The following SYNJ2 variants were observed in gnomAD, a reference collection of about 807,000 sequenced individuals.
SYNJ2 encodes synaptojanin 2.
In SYNJ2, 116 loss-of-function variants were observed where a neutral mutation model predicts 141.3. The ratio of observed to expected loss-of-function variants is 0.82; its 90% CI spans 0.71 to 0.96. The LOEUF (loss-of-function observed/expected upper bound fraction) is 0.96, where lower values mean the gene tolerates loss of function less well. Among genes scored for constraint, SYNJ2 ranks in the 40% least tolerant of loss-of-function variants. The pLI is 0.00. For missense variants in SYNJ2, 1,873 were observed against 1,934.8 expected, an observed-to-expected ratio of 0.97 and a Z score of 0.60; for synonymous variants, 745 against 777.7, an observed-to-expected ratio of 0.96 and a Z score of 0.70.
chr6:158,015,028 A>G (rs1778398387), intron 1 of SYNJ2, among the ~76,000 whole-genome samples: 1 of 152,192 alleles, frequency 6.6e-6, no homozygotes, highest in Non-Finnish European at 1.5e-5. Flanking sequence ...GGCATGGTGG[A>G]TCTTTTGAGT....
At position 158,029,007 on chromosome 6, in the gene SYNJ2, T is replaced by C; in HGVS notation, c.466T>C (p.Trp156Arg). ...TQKQGDDSSE[W>R]GNSFFWNQLL... ...GAAGCAGGGGGATGACAGCTCTGAA[T>C]GGGGGAACTCCTTCTTCTGGTGAGG... The change falls in exon 3 of 27, where the codon TGG becomes CGG. Residue 156 changes from tryptophan (W) to arginine (R), a missense_variant. Trp to Arg is a moderately radical substitution (Grantham distance 101). Coordinates refer to ENST00000355585, the MANE Select transcript of SYNJ2 (RefSeq NM_003898.4). 1 of 1,502,130 alleles carries C rather than the reference T, an allele frequency of 6.7e-7. No homozygotes were observed. The highest frequency in any genetic ancestry group is 8.9e-7 in the Non-Finnish European group (1 of 1,128,070). 93.1% of individuals were successfully genotyped at this position (1,502,130 alleles called of 1,614,324 possible).
At position 158,063,276 on chromosome 6, in the gene SYNJ2, G is replaced by A. The variant is rs145154684; in HGVS notation, c.1128-515G>A. Among the ~76,000 whole-genome samples the A allele has an allele frequency of 1.8e-4, 28 of 152,292 alleles. No individual in the cohort carries two copies. In the East Asian group the frequency reaches 4.8e-3, roughly 26 times the overall value. The stretch of plus-strand genomic sequence containing the variant: ...GACCCAGCTGTGCAGGCTACTGAGT[G>A]TGTGTCCTGGGGTCTGCCTGCCTTT... On this transcript the variant is annotated intron_variant, in intron 8 of 26. Coordinates refer to ENST00000355585, the MANE Select transcript of SYNJ2 (RefSeq NM_003898.4).
At chr6:158,038,958 A>G (rs756971493) in intron 4 of SYNJ2, among the ~76,000 whole-genome samples, 13 of 152,222 alleles carry the variant, frequency 8.5e-5, no homozygotes, top group Admixed American at 2.6e-4. Context: ...TCCTGCACAC[A>G]TGGGACCAGG....
At chr6:158,020,794 C>T (rs984265129) in intron 2 of SYNJ2, among the ~76,000 whole-genome samples, 3 of 152,226 alleles carry the variant, frequency 2.0e-5, no homozygotes, top group Admixed American at 6.5e-5. Flanking sequence ...AGCATCTCTG[C>T]GCAAAGAAAG....
Position 158,017,131 on chromosome 6 carries a change from A to G in SYNJ2, c.128-73A>G, listed in dbSNP as rs1420909826. On this transcript the variant is annotated intron_variant, in intron 1 of 26. Coordinates refer to ENST00000355585, the MANE Select transcript of SYNJ2 (RefSeq NM_003898.4). ...GGAGTGGGTGGGAAGCCAGCTTGGC[A>G]AGCCGGGTGTGAATGAACAGGAATG... The G allele has an allele frequency of 3.2e-6, 5 of 1,544,838 alleles. No homozygotes were observed. In the East Asian group the frequency reaches 1.2e-4, roughly 36 times the overall value.
chr6:158,089,811 C>A, intron 24 of SYNJ2, 28 bp from the exon 25 acceptor site: 1 of 1,575,568 alleles, frequency 6.3e-7, no homozygotes, highest in Non-Finnish European at 8.7e-7. Flanking sequence ...TCTGCTGATA[C>A]TCTGCTCTTC....
Position 158,043,307 on chromosome 6 carries a change from G to A in SYNJ2, c.712-9G>A, listed in dbSNP as rs1163221902. On this transcript the variant is annotated splice_polypyrimidine_tract_variant and intron_variant, in intron 4 of 26. Coordinates refer to ENST00000355585, the MANE Select transcript of SYNJ2 (RefSeq NM_003898.4). The surrounding 1 kb of genome is among the most constrained non-coding windows in gnomAD (Gnocchi z 4.0). ...AATACCTTTCCCTTTCTGTTTCCTT[G>A]TGCCGCAGATGATTTACATGGACGA... 1 of 1,613,292 alleles carries A rather than the reference G, an allele frequency of 6.2e-7. No homozygotes were observed. Among genetic ancestry groups the A allele is most frequent in the South Asian group, 1.1e-5 (1 of 91,050 alleles).
intron 1 of SYNJ2, among the ~76,000 whole-genome samples, chr6:158,016,721 C>T (rs1778473744): frequency 6.6e-6 from 1 of 152,146 alleles, no homozygotes; most frequent in African/African-American, 2.4e-5. Context: ...GCAGGCAAGG[C>T]ACGCAGCTTT....
Position 157,981,866 on chromosome 6 carries a change from A to G in SYNJ2, c.-96A>G. ...GGCGGGAGCGGCGGCGCAAAGTGAA[A>G]CTCTGGCAAGTTGCGGGCGCGCGGG... On this transcript the variant is annotated 5_prime_UTR_variant, in exon 1 of 27. Transcript: ENST00000355585. The surrounding 1 kb of genome is among the most constrained non-coding windows in gnomAD (Gnocchi z 6.4). The G allele has an allele frequency of 9.0e-7, 1 of 1,113,664 alleles. No individual in the cohort carries two copies. The highest frequency in any genetic ancestry group is 1.1e-6 in the Non-Finnish European group (1 of 884,118). The allele number at this position is 1,113,664 out of a possible 1,614,324, so 69.0% of individuals were successfully genotyped here. A position where few individuals can be genotyped will look rare whatever the true frequency, so the allele number is the denominator to read the frequency against.
chr6:157,991,859 G>A (rs990785106), intron 1 of SYNJ2, among the ~76,000 whole-genome samples: 1 of 152,102 alleles, frequency 6.6e-6, no homozygotes, highest in African/African-American at 2.4e-5. Context: ...CCTACAACCA[G>A]CAAAAACTTA....
chr6:157,981,315 G>T (rs914613709), upstream of SYNJ2, among the ~76,000 whole-genome samples: 35 of 152,262 alleles, frequency 2.3e-4, no homozygotes, highest in African/African-American at 7.7e-4. The surrounding 1 kb of genome is among the most constrained non-coding windows in gnomAD (Gnocchi z 6.4). Flanking sequence ...CTAGTGAAAG[G>T]TAACCTTTCT....
intron 1 of SYNJ2, chr6:158,002,216 T>C (rs1189557456): frequency 6.6e-6 from 1 of 152,274 alleles, no homozygotes; most frequent in African/African-American, 2.4e-5. Context: ...TCTAGACCCT[T>C]TGCTGAGTGG....
At chr6:158,022,145 C>T (rs758709524) in intron 2 of SYNJ2, among the ~76,000 whole-genome samples, 35 of 152,186 alleles carry the variant, frequency 2.3e-4, no homozygotes, top group Non-Finnish European at 3.7e-4. Context: ...GTCATCTGGC[C>T]GAAGCTTCCC....
chr6:158,021,927 G>A (rs1421834958), intron 2 of SYNJ2, among the ~76,000 whole-genome samples: 1 of 152,202 alleles, frequency 6.6e-6, no homozygotes, highest in Admixed American at 6.5e-5. Context: ...AAATTCACGG[G>A]CCAGGGCTGA....
intron 1 of SYNJ2, among the ~76,000 whole-genome samples, chr6:158,013,991 C>CT (rs1778361891): frequency 6.6e-6 from 1 of 152,174 alleles, no homozygotes; most frequent in African/African-American, 2.4e-5. Context: ...TCCTGACTTA[C>CT]GATGGTTCCT....
rs572348623 is a variant in SYNJ2, at chr6:158,040,014, G to A, written c.712-3302G>A. On this transcript the variant is annotated intron_variant, in intron 4 of 26. Transcript: ENST00000355585. This position sits in a 1 kb window ranked among gnomAD's most constrained non-coding sequence, Gnocchi z 4.2. Reference sequence around the variant, plus strand: ...ACCAGGAGCAGACTGGCTCCCTGTGGTGGGGACTCTTGGCAGGCGGATCGG... The same window carrying A: ...ACCAGGAGCAGACTGGCTCCCTGTGATGGGGACTCTTGGCAGGCGGATCGG... Among the ~76,000 whole-genome samples, 5 of 152,352 alleles carry A rather than the reference G, an allele frequency of 3.3e-5. No homozygotes were observed. The South Asian group carries it at 1.0e-3, about 32-fold the overall frequency.
chr6:158,073,152 T>G (rs1000522356), intron 15 of SYNJ2, among the ~76,000 whole-genome samples: 2 of 152,140 alleles, frequency 1.3e-5, no homozygotes, highest in Non-Finnish European at 2.9e-5. Context: ...AATGTAGTTC[T>G]TTTCTACCAT....
chr6:158,035,602 G>T (rs766336663), intron 4 of SYNJ2, among the ~76,000 whole-genome samples: 5 of 152,212 alleles, frequency 3.3e-5, no homozygotes, highest in Admixed American at 6.5e-5. Flanking sequence ...TTGCAAACAG[G>T]GATAGTTTGA....
In SYNJ2 at chr6:158,063,772, C is replaced by G. The variant is rs1419762336; in HGVS notation, c.1128-19C>G. ...TTTGAAAACAACATATAACCGTTTA[C>G]ATTTCTTCTTGTCCTAAGTTTTCAG... is the stretch of plus-strand genomic sequence containing the variant. On this transcript the variant is annotated intron_variant, in intron 8 of 26. Coordinates refer to ENST00000355585, the MANE Select transcript of SYNJ2 (RefSeq NM_003898.4). The G allele has an allele frequency of 6.5e-7, 1 of 1,531,382 alleles. No individual in the cohort carries two copies. The highest frequency in any genetic ancestry group is 2.6e-5 in the East Asian group (1 of 38,842). The allele number at this position is 1,531,382 out of a possible 1,614,324, so 94.9% of individuals were successfully genotyped here. A position where few individuals can be genotyped will look rare whatever the true frequency, so the allele number is the denominator to read the frequency against.
Sources: gnomAD v4.1 joint callset for allele counts (sites outside exome capture counted in the v4.1 genomes callset) on GRCh38, gnomAD v4.1.1 for gene constraint, Gnocchi (gnomAD v3.1) non-coding constraint, MANE v1.5 for transcripts, NCBI Gene and HGNC (gene_info 2026-07-23, HGNC 2026-07-21) for gene names.